The following RYR3 variants were observed in gnomAD, a reference collection of about 807,000 sequenced individuals.
The protein encoded by RYR3 is ryanodine receptor 3, also known as brain ryanodine receptor-calcium release channel.
A neutral mutation model predicts 584.3 loss-of-function variants in RYR3; 207 were observed. The ratio of observed to expected loss-of-function variants is 0.35; its 90% CI spans 0.32 to 0.40. RYR3 has a LOEUF of 0.40. RYR3 is among the 10% of genes least tolerant of loss of function. The pLI, the probability that RYR3 is intolerant of heterozygous loss-of-function variation, is 1.00. For synonymous variants in RYR3, 2,416 were observed against 2,248.5 expected (o/e 1.07, Z -2.11); for missense variants, 5,616 against 6,089.2 (o/e 0.92, Z 2.59).
At chr15:33,533,507 AGGTCTG>A in intron 5 of RYR3, 118 bp downstream of exon 5, 8 of 637,802 alleles carry the variant, frequency 1.3e-5, no homozygotes, top group Admixed American at 5.1e-5. Context: ...GTTAAGAAAT[AGGTCTG>A]AAAAAAAATT....
At chr15:33,757,628 T>C in intron 60 of RYR3, 32 bp downstream of exon 60, 6 of 1,599,516 alleles carry the variant, frequency 3.8e-6, no homozygotes, top group Non-Finnish European at 5.1e-6. Context: ...AAGGTGATGG[T>C]GCTGATGCAA....
intron 42 of RYR3, among the ~76,000 whole-genome samples, chr15:33,705,543 C>T (rs16957678): frequency 0.034 from 5,221 of 152,230 alleles, 298 homozygotes; most frequent in African/African-American, 0.12. Flanking sequence ...ATAGCAACTG[C>T]GTTTTAATCA....
chr15:33,707,159 G>C (rs1279848716), intron 43 of RYR3, 105 bp downstream of exon 43: 4 of 1,342,586 alleles, frequency 3.0e-6, no homozygotes, highest in Non-Finnish European at 4.1e-6. Flanking sequence ...TGAAAATAGG[G>C]GGTTGGTGGC....
intron 42 of RYR3, 93 bp from the exon 43 acceptor site, chr15:33,706,826 C>T (rs2066750994): frequency 4.8e-6 from 6 of 1,262,840 alleles, no homozygotes; most frequent in South Asian, 1.5e-5. Flanking sequence ...AACTTCTCTA[C>T]ATCCTCAACC....
chr15:33,535,299 C>T (rs1231237877), intron 5 of RYR3, among the ~76,000 whole-genome samples: 1 of 152,182 alleles, frequency 6.6e-6, no homozygotes. Flanking sequence ...GTTTCCATGT[C>T]TTGCACAATG....
At position 33,728,880 on chromosome 15, in the gene RYR3, A is replaced by G. The variant is rs1216227923; in HGVS notation, c.7057A>G (p.Met2353Val). ...NKDGSVSEPDMAANFCPDHKA... is the reference protein window; with the variant it reads ...NKDGSVSEPDVAANFCPDHKA... ...AGATGGGTCGGTCAGTGAGCCAGAT[A>G]TGGCGGCCAATTTCTGCCCTGACCA... The change falls in exon 47 of 104, where the codon ATG becomes GTG. Residue 2353 changes from methionine (M) to valine (V), a missense_variant. By Grantham distance (21) the Met-to-Val change is conservative. This residue lies in a region of RYR3 where 1,280 missense variants were observed against 1,426.2 expected (regional missense o/e 0.90). Coordinates refer to ENST00000634891, the MANE Select transcript of RYR3 (RefSeq NM_001036.6). 9 of 1,612,606 alleles carry G rather than the reference A, an allele frequency of 5.6e-6. No individual in the cohort carries two copies. In the African/African-American group the frequency reaches 8.0e-5, roughly 14 times the overall value.
intron 29 of RYR3, among the ~76,000 whole-genome samples, chr15:33,647,157 T>G (rs952736433): frequency 6.6e-6 from 1 of 152,238 alleles, no homozygotes; most frequent in Non-Finnish European, 1.5e-5. Context: ...TCCCTACTTA[T>G]ATTATTGCGG....
At chr15:33,661,122 C>T (rs1006756923) in intron 34 of RYR3, among the ~76,000 whole-genome samples, 16 of 152,208 alleles carry the variant, frequency 1.1e-4, no homozygotes, top group South Asian at 2.1e-4. Flanking sequence ...AGCAGCAGGG[C>T]AGGCCATGGC....
chr15:33,465,752 T>G (rs754746422), intron 1 of RYR3: 1 of 519,032 alleles, frequency 1.9e-6, no homozygotes, highest in South Asian at 1.4e-5. Flanking sequence ...TAGGTGGTGG[T>G]GGTGAAGAGG....
intron 1 of RYR3, among the ~76,000 whole-genome samples, chr15:33,454,006 A>G (rs1487949698): frequency 6.6e-6 from 1 of 152,208 alleles, no homozygotes; most frequent in African/African-American, 2.4e-5. Context: ...GTGGTACTGG[A>G]CCTGAAAATT....
chr15:33,723,449 T>C (rs1173110432), intron 44 of RYR3, among the ~76,000 whole-genome samples: 4 of 152,354 alleles, frequency 2.6e-5, no homozygotes, highest in Non-Finnish European at 4.4e-5. Context: ...GTTGGTAGAT[T>C]GTCTGATTGT....
intron 38 of RYR3, among the ~76,000 whole-genome samples, chr15:33,674,604 A>C (rs2064043661): frequency 1.3e-5 from 2 of 152,204 alleles, no homozygotes; most frequent in African/African-American, 4.8e-5. Flanking sequence ...AAAAAGAAGA[A>C]AACAGGGACC....
chr15:33,577,732 C>G (rs2058369631), intron 12 of RYR3, among the ~76,000 whole-genome samples: 1 of 152,132 alleles, frequency 6.6e-6, no homozygotes, highest in Non-Finnish European at 1.5e-5. Context: ...ATAAAAATGT[C>G]AAAAGCAAAT....
chr15:33,558,808 A>G (rs2057243871), intron 10 of RYR3, among the ~76,000 whole-genome samples: 1 of 152,218 alleles, frequency 6.6e-6, no homozygotes, highest in Non-Finnish European at 1.5e-5. Flanking sequence ...GCATTGAAAA[A>G]GAACACTTGT....
intron 6 of RYR3, among the ~76,000 whole-genome samples, chr15:33,540,088 C>T (rs1235819258): frequency 6.6e-6 from 1 of 152,126 alleles, no homozygotes; most frequent in Non-Finnish European, 1.5e-5. Flanking sequence ...ACCTGTTATT[C>T]TTTTAGATGA....
At chr15:33,727,399 G>A (rs2068556879) in intron 46 of RYR3, among the ~76,000 whole-genome samples, 1 of 152,272 alleles carries the variant, frequency 6.6e-6, no homozygotes, top group Non-Finnish European at 1.5e-5. Context: ...ATATTAATAG[G>A]TGTGCATATT....
intron 99 of RYR3, chr15:33,858,944 G>A (rs2080031630): frequency 6.6e-6 from 1 of 152,634 alleles, no homozygotes; most frequent in Non-Finnish European, 1.5e-5. Flanking sequence ...AGCCCCTAGA[G>A]TACTGGCATG....
intron 48 of RYR3, among the ~76,000 whole-genome samples, chr15:33,732,679 A>C (rs1322690488): frequency 6.6e-6 from 1 of 152,224 alleles, no homozygotes; most frequent in South Asian, 2.1e-4. Flanking sequence ...TCTCACCTGC[A>C]TATCAGAAAT....
At chr15:33,518,228 A>C (rs755157174) in intron 3 of RYR3, among the ~76,000 whole-genome samples, 4 of 152,200 alleles carry the variant, frequency 2.6e-5, no homozygotes, top group Non-Finnish European at 5.9e-5. Context: ...CCCAGTCAGC[A>C]GTGGTCTGTC....
Sources: gnomAD v4.1 joint callset for allele counts (sites outside exome capture counted in the v4.1 genomes callset) on GRCh38, gnomAD v4.1.1 for gene constraint, gnomAD v4.1.1 regional missense constraint, MANE v1.5 for transcripts, NCBI Gene and HGNC (gene_info 2026-07-23, HGNC 2026-07-21) for gene names.